Variants in LPCAT2 observed in about 807,000 individuals in gnomAD.
LPCAT2 encodes the protein 1-AGP acyltransferase 11.
In LPCAT2, 58 loss-of-function variants were observed where a neutral mutation model predicts 64.7. The observed-to-expected ratio is 0.90, with a 90% CI of 0.73 to 1.12. The LOEUF (loss-of-function observed/expected upper bound fraction) is 1.12. Among genes scored for constraint, LPCAT2 ranks in the 50% most tolerant of loss-of-function variants. LPCAT2 has a pLI of 0.00. For synonymous variants in LPCAT2, 252 were observed against 245.3 expected (o/e 1.03, Z -0.26); for missense variants, 579 against 669.8 (o/e 0.86, Z 1.50).
rs765727658 is a variant in LPCAT2 at position 55,545,772 on chromosome 16, A to G, written c.890A>G (p.Asn297Ser). ...PVQVPNDEEK[N>S]DPVLFANKVR... The stretch of plus-strand genomic sequence containing the variant: ...CAAGTACCAAATGATGAAGAAAAAA[A>G]TGATCCTGTCCTTTTTGCCAATAAA... The change falls in exon 9 of 14, where the codon AAT (asparagine) becomes AGT (serine). Residue 297 changes from asparagine (N) to serine (S), a missense_variant. Coordinates refer to ENST00000262134, the MANE Select transcript of LPCAT2 (RefSeq NM_017839.5). The G allele has an allele frequency of 6.2e-7, 1 of 1,613,512 alleles. No homozygotes were observed. The highest frequency in any genetic ancestry group is 8.5e-7 in the Non-Finnish European group (1 of 1,179,668).
chr16:55,516,186 C>G (rs1289244945), intron 1 of LPCAT2, among the ~76,000 whole-genome samples: 1 of 152,156 alleles, frequency 6.6e-6, no homozygotes. Flanking sequence ...CTCACTCTAG[C>G]CTTGACCTCC....
chr16:55,544,350 A>T (rs1168873960), intron 8 of LPCAT2, among the ~76,000 whole-genome samples: 1 of 152,296 alleles, frequency 6.6e-6, no homozygotes, highest in East Asian at 1.9e-4. Flanking sequence ...AGCCCCTAAT[A>T]TAAAATACCC....
intron 8 of LPCAT2, chr16:55,542,106 C>T: frequency 2.0e-6 from 1 of 492,400 alleles, no homozygotes; most frequent in Non-Finnish European, 3.0e-6. Context: ...AATAAACTAG[C>T]TTTAGTGATA....
chr16:55,509,231 C>A lies in LPCAT2; in HGVS notation c.50C>A (p.Ala17Asp). The A allele has an allele frequency of 6.8e-7, 1 of 1,464,840 alleles. No individual in the cohort carries two copies. The highest frequency in any genetic ancestry group is 9.1e-7 in the Non-Finnish European group (1 of 1,102,072). The allele number at this position is 1,464,840 out of a possible 1,614,324, so 90.7% of individuals were successfully genotyped here. A position where few individuals can be genotyped will look rare whatever the true frequency, so the allele number is the denominator to read the frequency against. The change falls in exon 1 of 14, where the codon GCC becomes GAC. Residue 17 changes from alanine to aspartate, a missense_variant. Coordinates refer to ENST00000262134, the MANE Select transcript of LPCAT2 (RefSeq NM_017839.5). ...AAEVAATVPG[A>D]GVGNVGLRPP... ...GAAGTGGCGGCCACAGTGCCAGGTG[C>A]CGGCGTCGGGAACGTGGGGCTGCGG...
chr16:55,527,642 T>A (rs1413160804), intron 2 of LPCAT2, among the ~76,000 whole-genome samples: 3 of 152,176 alleles, frequency 2.0e-5, no homozygotes, highest in Admixed American at 6.5e-5. Flanking sequence ...ATCTTACTTG[T>A]CTTGTGTGTC....
At chr16:55,570,471 A>C (rs1044034758) in intron 11 of LPCAT2, among the ~76,000 whole-genome samples, 3 of 152,128 alleles carry the variant, frequency 2.0e-5, no homozygotes, top group Non-Finnish European at 4.4e-5. Flanking sequence ...AAAAAAATTT[A>C]AAAAATCCCC....
chr16:55,577,289 G>C lies in LPCAT2; in HGVS notation c.1315-1820G>C, dbSNP rs551461514. Among the ~76,000 whole-genome samples the C allele has an allele frequency of 3.2e-4, 48 of 148,032 alleles. 1 individual carries two copies. The highest frequency in any genetic ancestry group is 1.4e-4 in the Admixed American group (2 of 14,580). On this transcript the variant is annotated intron_variant, in intron 12 of 13. Coordinates refer to ENST00000262134, the MANE Select transcript of LPCAT2 (RefSeq NM_017839.5). ...TTAGGGACCATTAAAACATGATTCA[G>C]TATTTGCTTATTATTTTTTTCATGG...
chr16:55,576,094 G>A (rs1490825348), intron 12 of LPCAT2, among the ~76,000 whole-genome samples: 1 of 151,798 alleles, frequency 6.6e-6, no homozygotes, highest in East Asian at 1.9e-4. Flanking sequence ...CAGTAATTAC[G>A]ATTTGAAAGA....
At chr16:55,536,637 T>C (rs1335167055) in intron 7 of LPCAT2, among the ~76,000 whole-genome samples, 6 of 152,182 alleles carry the variant, frequency 3.9e-5, no homozygotes, top group African/African-American at 1.2e-4. Flanking sequence ...CTCAGGTAAT[T>C]TTTACAGATA....
Position 55,532,203 on chromosome 16 carries a change from G to A in LPCAT2, c.703+229G>A, listed in dbSNP as rs543393703. On this transcript the variant is annotated intron_variant, in intron 5 of 13. Transcript: ENST00000262134. ...CACTCCATGCATGTGCACTTAGGAT[G>A]TGTGGCTGTGTGTGTGTTTGGGAAC... is the stretch of plus-strand genomic sequence containing the variant. 14 of 421,104 alleles carry A rather than the reference G, an allele frequency of 3.3e-5. No homozygotes were observed. The South Asian group carries it at 4.2e-4, about 13-fold the overall frequency. 26.1% of individuals were successfully genotyped at this position (421,104 alleles called of 1,614,324 possible). A position where few individuals can be genotyped will look rare whatever the true frequency, so the allele number is the denominator to read the frequency against.
At chr16:55,559,830 G>A (rs1963617088) in intron 11 of LPCAT2, among the ~76,000 whole-genome samples, 1 of 147,582 alleles carries the variant, frequency 6.8e-6, no homozygotes, top group African/African-American at 2.5e-5. Context: ...CTATTCAGTT[G>A]TATAAGCTGC....
intron 1 of LPCAT2, among the ~76,000 whole-genome samples, chr16:55,519,275 C>T (rs374891615): frequency 2.1e-4 from 32 of 151,326 alleles, no homozygotes; most frequent in East Asian, 1.4e-3. Context: ...CCGAGGTGGG[C>T]GGATCACGGG....
At chr16:55,573,336 T>C (rs1338605215) in intron 11 of LPCAT2, among the ~76,000 whole-genome samples, 1 of 152,154 alleles carries the variant, frequency 6.6e-6, no homozygotes, top group Non-Finnish European at 1.5e-5. Context: ...AAGTGGAAGT[T>C]CTATGAACCT....
At chr16:55,530,587 A>C (rs1963240355) in intron 4 of LPCAT2, among the ~76,000 whole-genome samples, 1 of 152,166 alleles carries the variant, frequency 6.6e-6, no homozygotes, top group South Asian at 2.1e-4. Context: ...CATCTCTAGC[A>C]GACTAATAGT....
At position 55,579,937 on chromosome 16, in the gene LPCAT2, G is replaced by A. The variant is rs564882216; in HGVS notation, c.1450+693G>A. The stretch of plus-strand genomic sequence containing the variant: ...GGCTCAAGTCCACCCATCAAAACAA[G>A]TTGCACTGGACTGAAGCTTCTCTAT... On this transcript the variant is annotated intron_variant, in intron 13 of 13. Transcript: ENST00000262134. Among the ~76,000 whole-genome samples, 5 of 152,120 alleles carry A rather than the reference G, an allele frequency of 3.3e-5. No individual in the cohort carries two copies. The South Asian group carries it at 6.2e-4, about 19-fold the overall frequency.
At chr16:55,582,289 T>C (rs187787760) in intron 13 of LPCAT2, among the ~76,000 whole-genome samples, 2 of 152,334 alleles carry the variant, frequency 1.3e-5, no homozygotes, top group Non-Finnish European at 2.9e-5. Context: ...GGGGTTGTTA[T>C]CCTGACTTAA....
intron 6 of LPCAT2, among the ~76,000 whole-genome samples, chr16:55,533,838 G>A (rs1020241168): frequency 1.3e-5 from 2 of 152,116 alleles, no homozygotes; most frequent in Non-Finnish European, 2.9e-5. Flanking sequence ...TTGAGGGAAT[G>A]TTTTGGTTCT....
chr16:55,518,470 A>C (rs1220536854), intron 1 of LPCAT2, among the ~76,000 whole-genome samples: 1 of 152,218 alleles, frequency 6.6e-6, no homozygotes, highest in Non-Finnish European at 1.5e-5. Flanking sequence ...ACAAACAACC[A>C]AAAGAATCTT....
intron 1 of LPCAT2, among the ~76,000 whole-genome samples, chr16:55,521,848 C>G (rs1018328826): frequency 1.3e-5 from 2 of 151,628 alleles, no homozygotes; most frequent in African/African-American, 4.8e-5. Context: ...GAGAAACTCT[C>G]TCCATCAGAT....
Sources: allele counts gnomAD v4.1 joint callset (sites outside exome capture counted in the v4.1 genomes callset), GRCh38; gene constraint gnomAD v4.1.1; transcripts MANE v1.5; gene names NCBI Gene and HGNC (gene_info 2026-07-23, HGNC 2026-07-21).